ZNF69: variants seen among roughly 807,000 people sequenced by gnomAD.
The protein encoded by ZNF69 is zinc finger protein 69.
A neutral mutation model predicts 50.9 loss-of-function variants in ZNF69; 47 were observed. The ratio of observed to expected loss-of-function variants is 0.92; its 90% CI spans 0.73 to 1.18. The LOEUF is 1.18. Among genes scored for constraint, ZNF69 ranks in the 50% most tolerant of loss-of-function variants. The pLI is 0.00. For synonymous variants in ZNF69, 216 were observed against 223.1 expected (o/e 0.97, Z 0.29); for missense variants, 717 against 675.1 (o/e 1.06, Z -0.69).
chr19:11,946,572 T>C, the ZNF69 span, among the ~76,000 whole-genome samples: 1 of 152,184 alleles, frequency 6.6e-6, no homozygotes, highest in Non-Finnish European at 1.5e-5. Flanking sequence ...GGAACTTGTC[T>C]GGATACCCTG....
the ZNF69 span, chr19:11,978,586 C>T: frequency 3.1e-6 from 5 of 1,614,084 alleles, no homozygotes; most frequent in African/African-American, 1.3e-5. Flanking sequence ...CATGAAAGAA[C>T]TCACACTGGA....
intron 1 of ZNF69, among the ~76,000 whole-genome samples, chr19:11,896,568 G>A (rs938246214): frequency 6.6e-6 from 1 of 152,140 alleles, no homozygotes; most frequent in African/African-American, 2.4e-5. Context: ...AGGAGAGGAA[G>A]CCGGCTCTCC....
chr19:11,905,998 A>G lies in ZNF69; in HGVS notation c.1601A>G (p.Tyr534Cys), dbSNP rs1972365892. ...AGGACTCACACTGGAGAGAAACCCTATAAATGCAAGCAATGTGGGAAAGCC... is the reference window on the plus strand; with the variant it reads ...AGGACTCACACTGGAGAGAAACCCTGTAAATGCAAGCAATGTGGGAAAGCC... ...HERTHTGEKPYKCKQCGKAFR... is the reference protein window; with the variant it reads ...HERTHTGEKPCKCKQCGKAFR... Residue 534 changes from tyrosine to cysteine, a missense_variant, in exon 4 of 4, where the codon TAT (tyrosine) becomes TGT (cysteine). Transcript: ENST00000429654. 7.4e-6 allele frequency: 12 copies of G among 1,613,980 alleles called. No individual in the cohort carries two copies. The highest frequency in any genetic ancestry group is 1.7e-5 in the Admixed American group (1 of 59,990).
At chr19:11,954,127 T>C in the ZNF69 span, among the ~76,000 whole-genome samples, 1 of 152,166 alleles carries the variant, frequency 6.6e-6, no homozygotes, top group Non-Finnish European at 1.5e-5. Context: ...ATTTAACATG[T>C]ATATATGGGA....
the ZNF69 span, among the ~76,000 whole-genome samples, chr19:11,937,930 G>A: frequency 9.2e-3 from 1,396 of 152,264 alleles, 23 homozygotes; most frequent in African/African-American, 0.033. Flanking sequence ...AGATGTGTGA[G>A]AAATCAGACT....
the ZNF69 span, among the ~76,000 whole-genome samples, chr19:11,958,099 T>G: frequency 1.3e-5 from 2 of 152,208 alleles, no homozygotes; most frequent in African/African-American, 4.8e-5. Flanking sequence ...GGGGATTTCA[T>G]GAATCACAGC....
the ZNF69 span, among the ~76,000 whole-genome samples, chr19:11,946,225 G>A: frequency 1.5e-4 from 23 of 152,158 alleles, no homozygotes; most frequent in East Asian, 1.6e-3. Flanking sequence ...GATCGTAAAT[G>A]AGCTGCCAAG....
the ZNF69 span, among the ~76,000 whole-genome samples, chr19:11,929,732 C>T: frequency 0.011 from 1,616 of 147,796 alleles, 245 homozygotes; most frequent in African/African-American, 0.041. Flanking sequence ...TATGGGATGC[C>T]GGATCTCAAA....
At chr19:11,961,793 G>GT in the ZNF69 span, 8 of 151,732 alleles carry the variant, frequency 5.3e-5, no homozygotes, top group African/African-American at 1.9e-4. Flanking sequence ...TTTTTGTATT[G>GT]TTAGTTAGAG....
At chr19:11,945,083 A>G in the ZNF69 span, among the ~76,000 whole-genome samples, 1 of 152,254 alleles carries the variant, frequency 6.6e-6, no homozygotes, top group African/African-American at 2.4e-5. Context: ...TAGAACTCCA[A>G]CTGCCTTTTT....
At chr19:11,918,484 C>T (rs1288930729), downstream of ZNF69, among the ~76,000 whole-genome samples, 1 of 152,064 alleles carries the variant, frequency 6.6e-6, no homozygotes, top group African/African-American at 2.4e-5. Context: ...CTCTTTTTCT[C>T]CTCGTTTTCT....
chr19:11,914,276 A>G (rs1234278206), exon 5 of ZNF69: 3 of 151,726 alleles, frequency 2.0e-5, no homozygotes, highest in African/African-American at 4.9e-5. Context: ...AGGTCACACC[A>G]TTCACTCCAG....
At position 11,887,879 on chromosome 19, in the gene ZNF69, A is replaced by T; in HGVS notation, c.-45A>T. On this transcript the variant is annotated 5_prime_UTR_variant, in exon 1 of 4. Transcript: ENST00000429654. The stretch of plus-strand genomic sequence containing the variant: ...TCCGGTCTTTCCAGCCCCGAGAGGG[A>T]CCTGGTTCCTCTGCCCAGGCTTCTG... 1 of 1,579,280 alleles carries T rather than the reference A, an allele frequency of 6.3e-7. No homozygotes were observed. Among genetic ancestry groups the T allele is most frequent in the East Asian group, 2.3e-5 (1 of 43,678 alleles).
At chr19:11,971,203 C>G in the ZNF69 span, among the ~76,000 whole-genome samples, 1 of 152,148 alleles carries the variant, frequency 6.6e-6, no homozygotes, top group South Asian at 2.1e-4. Flanking sequence ...GTTGGCAGAT[C>G]TAGTGTCTGG....
downstream of ZNF69, among the ~76,000 whole-genome samples, chr19:11,914,642 G>A (rs1017863786): frequency 6.6e-6 from 1 of 152,176 alleles, no homozygotes; most frequent in African/African-American, 2.4e-5. Context: ...CAGCAACATG[G>A]AAAAGTTTCT....
chr19:11,903,540 C>G (rs11671654), intron 1 of ZNF69, 33 bp from the exon 2 acceptor site: 756,581 of 1,611,014 alleles, frequency 0.47, 184,427 homozygotes, highest in Middle Eastern at 0.52. Context: ...GTCACTCTCA[C>G]CCATCCTCCT....
chr19:11,893,681 C>T (rs1977151735), intron 1 of ZNF69, among the ~76,000 whole-genome samples: 1 of 152,150 alleles, frequency 6.6e-6, no homozygotes, highest in Non-Finnish European at 1.5e-5. Flanking sequence ...AAGATGCCCA[C>T]AACTGCCATG....
At chr19:11,959,388 TCTCC>T in the ZNF69 span, among the ~76,000 whole-genome samples, 1 of 152,226 alleles carries the variant, frequency 6.6e-6, no homozygotes. Context: ...TTCTGGTGTG[TCTCC>T]TTGGTCTCAC....
the ZNF69 span, among the ~76,000 whole-genome samples, chr19:11,969,279 A>G: frequency 1.3e-5 from 2 of 151,926 alleles, no homozygotes; most frequent in African/African-American, 4.8e-5. Flanking sequence ...TAATTTTTCT[A>G]TTTTTAGTAA....
Sources: gnomAD v4.1 joint callset for allele counts (sites outside exome capture counted in the v4.1 genomes callset) on GRCh38, gnomAD v4.1.1 for gene constraint, MANE v1.5 for transcripts, NCBI Gene and HGNC (gene_info 2026-07-23, HGNC 2026-07-21) for gene names.